Variants in PCDHA1 observed in about 807,000 individuals in gnomAD.
The protein encoded by PCDHA1 is protocadherin alpha-1.
In PCDHA1, 42 loss-of-function variants were observed where a neutral mutation model predicts 61.3. The ratio of observed to expected loss-of-function variants is 0.69; its 90% CI spans 0.54 to 0.89. The LOEUF (loss-of-function observed/expected upper bound fraction) is 0.89, where lower values mean the gene tolerates loss of function less well. Ranked by LOEUF, PCDHA1 falls within the 40% of genes least tolerant of loss-of-function variation. The pLI, the probability that PCDHA1 is intolerant of heterozygous loss-of-function variation, is 0.00. For missense variants in PCDHA1, 1,256 were observed against 1,235.3 expected, an observed-to-expected ratio of 1.02 and a Z score of -0.25; for synonymous variants, 610 against 553.8, an observed-to-expected ratio of 1.10 and a Z score of -1.43.
At chr5:140,980,722 A>G (rs1318137295) in intron 2 of PCDHA1, among the ~76,000 whole-genome samples, 1 of 152,356 alleles carries the variant, frequency 6.6e-6, no homozygotes, top group South Asian at 2.1e-4. Context: ...TCGGGTTTCA[A>G]TTAAGATATT....
chr5:140,875,506 C>A, intron 1 of PCDHA1: 1 of 1,613,618 alleles, frequency 6.2e-7, no homozygotes, highest in Non-Finnish European at 8.5e-7. Flanking sequence ...CCCGGGATCC[C>A]AGCGTCTGCT....
intron 1 of PCDHA1, chr5:140,865,253 G>T (rs782676084): frequency 6.6e-6 from 1 of 152,152 alleles, no homozygotes; most frequent in Non-Finnish European, 1.5e-5. Context: ...TAGCTGTAAG[G>T]ATGTGTATCA....
At chr5:140,849,860 C>A in intron 1 of PCDHA1, 1 of 1,598,548 alleles carries the variant, frequency 6.3e-7, no homozygotes, top group South Asian at 1.1e-5. Flanking sequence ...CACCAGCGTT[C>A]GCGCAGTCCG....
At chr5:140,933,212 T>C (rs2088935461) in intron 1 of PCDHA1, among the ~76,000 whole-genome samples, 1 of 151,682 alleles carries the variant, frequency 6.6e-6, no homozygotes, top group African/African-American at 2.4e-5. Context: ...ATTACATGTC[T>C]GTTATATTGC....
At chr5:140,904,729 TA>T (rs1313627737) in intron 1 of PCDHA1, among the ~76,000 whole-genome samples, 4 of 152,162 alleles carry the variant, frequency 2.6e-5, no homozygotes, top group East Asian at 1.9e-4. Context: ...CAACATCTAT[TA>T]TTTTTTTATT....
In PCDHA1 at chr5:140,786,812, G is replaced by A. The variant is rs150817350; in HGVS notation, c.522G>A (p.Pro174=). 8 of 1,614,050 alleles carry A rather than the reference G, an allele frequency of 5.0e-6. No individual in the cohort carries two copies. The highest frequency in any genetic ancestry group is 6.8e-6 in the Non-Finnish European group (8 of 1,180,028). The part of the protein sequence containing the change: ...ANALLTYTLS[P]SDYFSLDVEA... The stretch of plus-strand genomic sequence containing the variant: ...CTCTTCTAACGTACACGCTCAGCCC[G>A]AGTGATTATTTCTCTTTGGATGTAG... The change falls in exon 1 of 4, where the codon CCG becomes CCA. Residue 174 remains proline, a synonymous_variant. Transcript: ENST00000504120.
At chr5:140,927,147 G>T (rs1554204095) in intron 1 of PCDHA1, 5 of 1,614,162 alleles carry the variant, frequency 3.1e-6, no homozygotes, top group Non-Finnish European at 4.2e-6. Context: ...ACCGCGAACA[G>T]CTGTGCAGGG....
rs113613111 is a variant in PCDHA1, at chr5:140,862,633, G to A, written c.2394+73949G>A. The A allele has an allele frequency of 2.9e-3, 1,533 of 537,306 alleles. 20 individuals are homozygous for A. The highest frequency in any genetic ancestry group is 0.024 in the African/African-American group (1,268 of 52,230). 33.3% of individuals were successfully genotyped at this position (537,306 alleles called of 1,614,324 possible). Reference sequence around the variant, plus strand: ...AGGTAACAACCCGCGGGGCTGCCACGACTTCACAGTGTCCGCGCGGGACCG... The same window carrying A: ...AGGTAACAACCCGCGGGGCTGCCACAACTTCACAGTGTCCGCGCGGGACCG... On this transcript the variant is annotated intron_variant, in intron 1 of 3. Transcript: ENST00000504120.
At chr5:140,806,661 A>T (rs932405546) in intron 1 of PCDHA1, among the ~76,000 whole-genome samples, 9 of 146,984 alleles carry the variant, frequency 6.1e-5, no homozygotes, top group East Asian at 2.0e-4. Flanking sequence ...TATCATTAAT[A>T]AAAAAAAACC....
At chr5:140,796,794 G>A (rs1554120112) in intron 1 of PCDHA1, 9 of 1,614,134 alleles carry the variant, frequency 5.6e-6, no homozygotes, top group Non-Finnish European at 7.6e-6. Context: ...TTTCGTACGA[G>A]CTTCAGCTGG....
At chr5:140,793,841 A>ATAG (rs1761811663) in intron 1 of PCDHA1, among the ~76,000 whole-genome samples, 1 of 152,238 alleles carries the variant, frequency 6.6e-6, no homozygotes, top group African/African-American at 2.4e-5. Flanking sequence ...TTCTAAAGTA[A>ATAG]TAGTACATTA....
intron 3 of PCDHA1, among the ~76,000 whole-genome samples, chr5:141,000,421 A>ATATAT (rs1265241806): frequency 3.6e-5 from 1 of 27,980 alleles, no homozygotes; most frequent in East Asian, 1.4e-3. Flanking sequence ...ATATATATAT[A>ATATAT]TTTTTTTTTT....
chr5:140,956,710 CAGA>C (rs1554222572), intron 1 of PCDHA1, among the ~76,000 whole-genome samples: 1 of 152,144 alleles, frequency 6.6e-6, no homozygotes, highest in Non-Finnish European at 1.5e-5. Flanking sequence ...GGAATAGCTT[CAGA>C]AGAATTGGTA....
chr5:140,787,768 C>A lies in PCDHA1; in HGVS notation c.1478C>A (p.Ser493Ter). Residue 493 changes from serine to a stop codon, truncating the protein, a stop_gained, in exon 1 of 4, where the codon TCG becomes TAG. Coordinates refer to ENST00000504120, the MANE Select transcript of PCDHA1 (RefSeq NM_018900.4). LOFTEE classifies it high-confidence loss of function. Reference sequence around the variant, plus strand: ...CAGGAGAACGCGCTGGTGTCCTATTCGCTGGTGGAACGGCGGGTGGGCGAG... The same window carrying A: ...CAGGAGAACGCGCTGGTGTCCTATTAGCTGGTGGAACGGCGGGTGGGCGAG... ...DAQENALVSY[S>*]LVERRVGERA... 6.2e-7 allele frequency: 1 copy of A among 1,613,160 alleles called. No individual in the cohort carries two copies. The highest frequency in any genetic ancestry group is 8.5e-7 in the Non-Finnish European group (1 of 1,179,840).
At chr5:140,889,121 G>A (rs2062113098) in intron 1 of PCDHA1, among the ~76,000 whole-genome samples, 1 of 151,724 alleles carries the variant, frequency 6.6e-6, no homozygotes, top group East Asian at 1.9e-4. Flanking sequence ...AGGTGATACT[G>A]ATATGTCCTA....
chr5:140,858,834 A>T, intron 1 of PCDHA1: 1 of 322,932 alleles, frequency 3.1e-6, no homozygotes, highest in Non-Finnish European at 5.8e-6. Context: ...CATTACCAAA[A>T]AATTCCACTG....
rs1019135464 is a variant in PCDHA1, at chr5:140,897,033, A to G, written c.2395-81916A>G. On this transcript the variant is annotated intron_variant, in intron 1 of 3. Transcript: ENST00000504120. ...TATACAACTAAATTATTTAGACCAT[A>G]GTCACCCTATTCTGCTGTCAAATAC... Among the ~76,000 whole-genome samples, 4 of 152,124 alleles carry G rather than the reference A, an allele frequency of 2.6e-5. No homozygotes were observed. The East Asian group carries it at 7.7e-4, about 29-fold the overall frequency.
intron 1 of PCDHA1, among the ~76,000 whole-genome samples, chr5:140,831,411 G>A (rs1771518698): frequency 6.6e-6 from 1 of 151,592 alleles, no homozygotes; most frequent in South Asian, 2.1e-4. Context: ...CCATGCTGGA[G>A]TACAGTGGTG....
In PCDHA1 at chr5:140,857,915, G is replaced by A. The variant is rs1265955881; in HGVS notation, c.2394+69231G>A. The A allele has an allele frequency of 4.6e-5, 74 of 1,597,796 alleles. 10 individuals carry two copies. The highest frequency in any genetic ancestry group is 6.0e-5 in the Non-Finnish European group (70 of 1,167,592). On this transcript the variant is annotated intron_variant, in intron 1 of 3. Transcript: ENST00000504120. ...GGTTGGTGCACGCATCCCGTTTCGC[G>A]TGGGGCTGTACACGGGCGAGATCAG...
Sources: gnomAD v4.1 joint callset for allele counts (sites outside exome capture counted in the v4.1 genomes callset) on GRCh38, gnomAD v4.1.1 for gene constraint, MANE v1.5 for transcripts, NCBI Gene and HGNC (gene_info 2026-07-23, HGNC 2026-07-21) for gene names.